DIP2C: variants seen among roughly 807,000 people sequenced by gnomAD.
DIP2C encodes the protein DIP2 acetate--CoA ligase C (putative).
In DIP2C, 33 loss-of-function variants were observed where a neutral mutation model predicts 192.4. The observed-to-expected ratio is 0.17, with a 90% CI of 0.13 to 0.23. The LOEUF (loss-of-function observed/expected upper bound fraction) is 0.23. Among genes scored for constraint, DIP2C ranks in the 10% least tolerant of loss-of-function variants. DIP2C has a pLI of 1.00. For missense variants in DIP2C, 1,537 were observed against 2,110.1 expected (o/e 0.73, Z 5.32); for synonymous variants, 979 against 864.1 (o/e 1.13, Z -2.33).
intron 2 of DIP2C, among the ~76,000 whole-genome samples, chr10:477,282 G>A: frequency 1.7e-5 from 1 of 60,482 alleles, no homozygotes; most frequent in Non-Finnish European, 3.0e-5. Flanking sequence ...AGGAAGGGAA[G>A]GAAGAGACGG....
intron 1 of DIP2C, among the ~76,000 whole-genome samples, chr10:534,567 C>T (rs954288341): frequency 6.6e-5 from 10 of 152,282 alleles, no homozygotes; most frequent in East Asian, 1.9e-4. Flanking sequence ...GGTCAAATGA[C>T]GCCAACACAG....
chr10:558,916 G>T (rs1462450883), intron 1 of DIP2C, among the ~76,000 whole-genome samples: 3 of 151,894 alleles, frequency 2.0e-5, no homozygotes, highest in African/African-American at 7.3e-5. Flanking sequence ...CAGACACCAC[G>T]GACCACCCGA....
At chr10:485,831 T>C (rs1027780554) in intron 2 of DIP2C, among the ~76,000 whole-genome samples, 1 of 152,250 alleles carries the variant, frequency 6.6e-6, no homozygotes, top group African/African-American at 2.4e-5. Flanking sequence ...AGGTCGCTCT[T>C]GGGCTGAATT....
chr10:386,913 T>C (rs2132920995), intron 14 of DIP2C, among the ~76,000 whole-genome samples: 1 of 152,210 alleles, frequency 6.6e-6, no homozygotes, highest in Non-Finnish European at 1.5e-5. Context: ...CTTAAACAAA[T>C]AACAAGGCTA....
In DIP2C at chr10:390,053, A is replaced by C; in HGVS notation, c.1535T>G (p.Val512Gly). Residue 512 changes from valine to glycine, a missense_variant, in exon 13 of 37, where the codon GTG becomes GGG. Val to Gly is a moderately radical substitution (Grantham distance 109). Around this residue, in one of 4 missense-constraint regions of DIP2C, gnomAD observed 677 missense variants for 989.9 expected, o/e 0.68. Transcript: ENST00000280886. ...CKDGSVLGVTVTRTALLTHCQ... is the reference protein window; with the variant it reads ...CKDGSVLGVTGTRTALLTHCQ... Reference sequence around the variant, plus strand: ...GTGTGTCAGCAGCGCAGTCCTCGTCACCGTCACACCCAGCACACTGCCATC... The same window carrying C: ...GTGTGTCAGCAGCGCAGTCCTCGTCCCCGTCACACCCAGCACACTGCCATC... 1 of 1,614,090 alleles carries C rather than the reference A, an allele frequency of 6.2e-7. No individual in the cohort carries two copies. The highest frequency in any genetic ancestry group is 1.1e-5 in the South Asian group (1 of 91,068).
chr10:427,687 G>A (rs533775633), intron 4 of DIP2C, among the ~76,000 whole-genome samples: 2 of 152,276 alleles, frequency 1.3e-5, no homozygotes, highest in Admixed American at 1.3e-4. Flanking sequence ...ATCATTAACT[G>A]TTACAAAGTA....
intron 1 of DIP2C, among the ~76,000 whole-genome samples, chr10:541,482 A>C (rs560064018): frequency 6.7e-4 from 73 of 108,420 alleles, no homozygotes; most frequent in Non-Finnish European, 1.1e-3. Flanking sequence ...CCACCCCCAT[A>C]TCTCTCCTGG....
At chr10:384,482 C>T (rs1240756957) in intron 15 of DIP2C, 64 bp downstream of exon 15, 8 of 1,525,922 alleles carry the variant, frequency 5.2e-6, no homozygotes, top group Admixed American at 1.7e-5. Flanking sequence ...AGGTGATCCA[C>T]CTGCTTTGGC....
At chr10:329,791 A>G (rs1002867362) in intron 29 of DIP2C, among the ~76,000 whole-genome samples, 190 bp from the exon 30 acceptor site, 2 of 152,220 alleles carry the variant, frequency 1.3e-5, no homozygotes, top group African/African-American at 4.8e-5. Flanking sequence ...CCTTCTGAAA[A>G]GCAAATACGT....
chr10:545,927 G>T (rs947802719), intron 1 of DIP2C, among the ~76,000 whole-genome samples: 1 of 152,186 alleles, frequency 6.6e-6, no homozygotes, highest in Admixed American at 6.5e-5. Context: ...TAAGCCGGTG[G>T]TTTTCAAACT....
intron 1 of DIP2C, among the ~76,000 whole-genome samples, chr10:625,590 G>T (rs2131856557): frequency 6.6e-6 from 1 of 152,298 alleles, no homozygotes; most frequent in South Asian, 2.1e-4. Flanking sequence ...AGCAGAGCAG[G>T]CTCGGGGAAG....
intron 1 of DIP2C, among the ~76,000 whole-genome samples, chr10:597,468 G>A (rs1405958001): frequency 6.6e-6 from 1 of 152,240 alleles, no homozygotes; most frequent in South Asian, 2.1e-4. Context: ...AATTCTAGGT[G>A]GAAAGGTGAA....
intron 1 of DIP2C, among the ~76,000 whole-genome samples, chr10:495,150 CACTT>C (rs559955325): frequency 1.0e-3 from 154 of 152,300 alleles, no homozygotes; most frequent in African/African-American, 2.9e-3. Context: ...TGCATGATCT[CACTT>C]ACATGTGGCA....
At chr10:364,710 A>AG (rs1959968392) in intron 19 of DIP2C, 128 bp from the exon 20 acceptor site, 1 of 1,052,726 alleles carries the variant, frequency 9.5e-7, no homozygotes, top group African/African-American at 1.6e-5. Context: ...ACCCTGCCCT[A>AG]GGGCCGAGGT....
intron 32 of DIP2C, among the ~76,000 whole-genome samples, chr10:300,971 A>T (rs879734588): frequency 4.6e-5 from 7 of 152,256 alleles, no homozygotes; most frequent in Non-Finnish European, 7.3e-5. Flanking sequence ...ACAGAAAAAT[A>T]AGCTTTTCTG....
chr10:663,691 GT>G (rs1429903925), intron 1 of DIP2C: 1 of 152,246 alleles, frequency 6.6e-6, no homozygotes, highest in Non-Finnish European at 1.5e-5. Context: ...CTACTCGAAG[GT>G]CCACATCCAG....
rs573919055 is a variant in DIP2C at position 361,782 on chromosome 10, G to A, written c.2794+708C>T. On this transcript the variant is annotated intron_variant, in intron 22 of 36. Coordinates refer to ENST00000280886, the MANE Select transcript of DIP2C (RefSeq NM_014974.3). ...TCCCGAGGCGGCAGACAGAGGCAGC[G>A]TTTTCCACCCTTTCAGAGCACTCCC... Among the ~76,000 whole-genome samples, 57 of 152,288 alleles carry A rather than the reference G, an allele frequency of 3.7e-4. No individual in the cohort carries two copies. The South Asian group carries it at 5.0e-3, about 13-fold the overall frequency.
intron 1 of DIP2C, among the ~76,000 whole-genome samples, chr10:615,956 A>C (rs1484904697): frequency 6.6e-6 from 1 of 152,092 alleles, no homozygotes; most frequent in Non-Finnish European, 1.5e-5. Context: ...CGCTCACATT[A>C]ATGACCACAT....
At chr10:667,311 G>C (rs1857155200) in intron 1 of DIP2C, 1 of 152,488 alleles carries the variant, frequency 6.6e-6, no homozygotes, top group Admixed American at 6.5e-5. Flanking sequence ...GCCCACGGCA[G>C]GCTGAGCACA....
Sources: allele counts gnomAD v4.1 joint callset (sites outside exome capture counted in the v4.1 genomes callset), GRCh38; gene constraint gnomAD v4.1.1; regional missense constraint gnomAD v4.1.1; transcripts MANE v1.5; gene names NCBI Gene and HGNC (gene_info 2026-07-23, HGNC 2026-07-21).